PIK3R1: variants seen among roughly 807,000 people sequenced by gnomAD.
The protein encoded by PIK3R1 is phosphoinositide-3-kinase regulatory subunit 1, also known as phosphatidylinositol 3-kinase regulatory subunit alpha.
PIK3R1 carries 29 observed loss-of-function variants against 98.0 expected under a neutral mutation model. That is an observed-to-expected ratio of 0.30 (90% CI 0.22 to 0.40). The LOEUF (loss-of-function observed/expected upper bound fraction) is 0.40, where lower values mean the gene tolerates loss of function less well. Among genes scored for constraint, PIK3R1 ranks in the 10% least tolerant of loss-of-function variants. The pLI is 1.00. For synonymous variants in PIK3R1, 282 were observed against 311.8 expected, an observed-to-expected ratio of 0.90 and a Z score of 1.01; for missense variants, 596 against 872.7, an observed-to-expected ratio of 0.68 and a Z score of 3.99.
Position 68,295,195 on chromosome 5 carries a change from T to C in PIK3R1, c.1616T>C (p.Ile539Thr). The C allele has an allele frequency of 6.2e-7, 1 of 1,614,006 alleles. No homozygotes were observed. The highest frequency in any genetic ancestry group is 2.2e-5 in the East Asian group (1 of 44,866). The change falls in exon 13 of 16, where the codon ATT becomes ACT. Residue 539 changes from isoleucine (I) to threonine (T), a missense_variant. Transcript: ENST00000521381. The stretch of plus-strand genomic sequence containing the variant: ...TTGAAGTCTCGAATCAGTGAAATTA[T>C]TGACAGTAGAAGAAGATTGGAAGAA... ...DKLKSRISEI[I>T]DSRRRLEEDL...
intron 2 of PIK3R1, among the ~76,000 whole-genome samples, chr5:68,230,157 G>A (rs1344690487): frequency 1.3e-5 from 2 of 152,174 alleles, no homozygotes; most frequent in Admixed American, 6.5e-5. Flanking sequence ...TCACTTCTCT[G>A]CTCAAATCTT....
Position 68,274,141 on chromosome 5 carries a change from T to C in PIK3R1, c.502+128T>C, listed in dbSNP as rs56066233. ...CTAAATTTAAAGGGAACTCAAATCA[T>C]GTACAGTTCTCCCTGCCCTGTTATG... is the stretch of plus-strand genomic sequence containing the variant. On this transcript the variant is annotated intron_variant, in intron 4 of 15. Transcript: ENST00000521381. The C allele has an allele frequency of 0.012, 9,256 of 756,132 alleles. 92 individuals carry two copies. Among genetic ancestry groups the C allele is most frequent in the Non-Finnish European group, 0.018 (7,841 of 436,698 alleles). The allele number at this position is 756,132 out of a possible 1,614,324, so 46.8% of individuals were successfully genotyped here.
chr5:68,282,875 C>T (rs1746908095), intron 7 of PIK3R1, among the ~76,000 whole-genome samples: 1 of 152,170 alleles, frequency 6.6e-6, no homozygotes, highest in African/African-American at 2.4e-5. Flanking sequence ...TAGTTTGAGC[C>T]GTTTTCCCAG....
At chr5:68,218,128 C>A (rs550468310) in intron 1 of PIK3R1, among the ~76,000 whole-genome samples, 1 of 151,936 alleles carries the variant, frequency 6.6e-6, no homozygotes, top group African/African-American at 2.4e-5. Flanking sequence ...ATATACTAAG[C>A]GCAGGAAATC....
chr5:68,216,774 C>A (rs542301335), intron 1 of PIK3R1, among the ~76,000 whole-genome samples: 19 of 152,320 alleles, frequency 1.2e-4, no homozygotes, highest in African/African-American at 4.3e-4. Context: ...AACCACAGCT[C>A]TAACCTAAGC....
rs538842111 is a variant in PIK3R1 at position 68,301,239 on chromosome 5, G to C, written c.*3638G>C. On this transcript the variant is annotated 3_prime_UTR_variant, in exon 16 of 16. Transcript: ENST00000521381. The stretch of plus-strand genomic sequence containing the variant: ...AAAAAGCTAGTTCTATAAAATACTG[G>C]TATTATGGGTGGGGAGGAAATAGAA... 9.8e-6 allele frequency: 2 copies of C among 205,116 alleles called. No individual in the cohort carries two copies. Among genetic ancestry groups the C allele is most frequent in the South Asian group, 3.9e-4 (2 of 5,192 alleles). The allele number at this position is 205,116 out of a possible 1,614,324, so 12.7% of individuals were successfully genotyped here. A position where few individuals can be genotyped will look rare whatever the true frequency, so the allele number is the denominator to read the frequency against.
intron 11 of PIK3R1, among the ~76,000 whole-genome samples, 158 bp from the exon 12 acceptor site, chr5:68,294,378 C>T (rs553302806): frequency 6.6e-5 from 10 of 152,250 alleles, no homozygotes; most frequent in Admixed American, 1.3e-4. Context: ...AGAAAATTCT[C>T]CAGAGGAAAT....
rs547511877 is a variant in PIK3R1 at position 68,301,741 on chromosome 5, A to G, written c.*4140A>G. On this transcript the variant is annotated 3_prime_UTR_variant, in exon 16 of 16. Coordinates refer to ENST00000521381, the MANE Select transcript of PIK3R1 (RefSeq NM_181523.3). ...ACATTTCGTTCAAGTTATAGATTCA[A>G]TGGAGCTATGTCTTGTTTTAAGTTG... The G allele has an allele frequency of 1.7e-4, 28 of 169,646 alleles. No homozygotes were observed. Among genetic ancestry groups the G allele is most frequent in the Non-Finnish European group, 2.4e-4 (19 of 78,426 alleles). 10.5% of individuals were successfully genotyped at this position (169,646 alleles called of 1,614,324 possible).
At chr5:68,276,252 C>G (rs1034782063) in intron 4 of PIK3R1, among the ~76,000 whole-genome samples, 8 of 152,218 alleles carry the variant, frequency 5.3e-5, no homozygotes, top group African/African-American at 1.7e-4. Context: ...AGAGTGGGAG[C>G]TTGTCCCGTG....
intron 2 of PIK3R1, among the ~76,000 whole-genome samples, chr5:68,237,831 A>G (rs1405089094): frequency 6.6e-6 from 1 of 152,184 alleles, no homozygotes; most frequent in Non-Finnish European, 1.5e-5. Flanking sequence ...TTGACTACCT[A>G]AAAGTAGCAG....
At chr5:68,281,251 C>T (rs192124927) in intron 7 of PIK3R1, among the ~76,000 whole-genome samples, 5 of 152,250 alleles carry the variant, frequency 3.3e-5, no homozygotes, top group Non-Finnish European at 5.9e-5. Context: ...GGAGAGTTCC[C>T]TGTACCCTTC....
intron 2 of PIK3R1, among the ~76,000 whole-genome samples, chr5:68,227,882 A>G (rs1387356037): frequency 6.6e-6 from 1 of 152,166 alleles, no homozygotes; most frequent in Non-Finnish European, 1.5e-5. Flanking sequence ...TTCAAAAACC[A>G]CTTATTGCTT....
intron 2 of PIK3R1, among the ~76,000 whole-genome samples, chr5:68,254,409 A>G (rs182121952): frequency 1.5e-3 from 234 of 152,334 alleles, no homozygotes; most frequent in African/African-American, 5.3e-3. Flanking sequence ...TCTTCCAACA[A>G]ATAAAAAATA....
chr5:68,268,105 T>A (rs1009003226), intron 2 of PIK3R1, among the ~76,000 whole-genome samples: 4 of 152,178 alleles, frequency 2.6e-5, no homozygotes, highest in African/African-American at 9.7e-5. Flanking sequence ...TATTATTTAA[T>A]CCTTATTACT....
At chr5:68,257,023 A>T (rs1048877005) in intron 2 of PIK3R1, among the ~76,000 whole-genome samples, 2 of 152,156 alleles carry the variant, frequency 1.3e-5, no homozygotes, top group African/African-American at 2.4e-5. Flanking sequence ...CATCACTGTG[A>T]TATGTGCCAC....
At position 68,295,234 on chromosome 5, in the gene PIK3R1, A is replaced by G. The variant is rs1370583280; in HGVS notation, c.1655A>G (p.Gln552Arg). The change falls in exon 13 of 16, where the codon CAG becomes CGG. Residue 552 changes from glutamine to arginine, a missense_variant. Gln to Arg is a conservative substitution (Grantham distance 43). Transcript: ENST00000521381. ...RRRLEEDLKK[Q>R]AAEYREIDKR... ...AGATTGGAAGAAGACTTGAAGAAGC[A>G]GGCAGCTGAGTATCGAGAAATTGAC... The G allele has an allele frequency of 1.9e-6, 3 of 1,613,962 alleles. No homozygotes were observed. Among genetic ancestry groups the G allele is most frequent in the Non-Finnish European group, 2.5e-6 (3 of 1,179,924 alleles).
At chr5:68,256,235 A>G (rs1213088357) in intron 2 of PIK3R1, among the ~76,000 whole-genome samples, 1 of 152,118 alleles carries the variant, frequency 6.6e-6, no homozygotes, top group Non-Finnish European at 1.5e-5. Context: ...TTTTTTATTT[A>G]TTTATTTTTG....
rs1391918822 is a variant in PIK3R1, at chr5:68,298,375, TTTGTTTTGCTGAAGGCTAAA to T, written c.*777_*796del. The T allele has an allele frequency of 4.3e-6, 1 of 233,212 alleles. No homozygotes were observed. The highest frequency in any genetic ancestry group is 8.5e-6 in the Non-Finnish European group (1 of 117,876). 14.4% of individuals were successfully genotyped at this position (233,212 alleles called of 1,614,324 possible). On this transcript the variant is annotated 3_prime_UTR_variant, in exon 16 of 16. Coordinates refer to ENST00000521381, the MANE Select transcript of PIK3R1 (RefSeq NM_181523.3). ...TGTATCAATACCAAATAGCTTCTGT[TTTGTTTTGCTGAAGGCTAAA>T]TTCACAGCGCTATGCAATTCTTAAT...
chr5:68,240,999 T>A lies in PIK3R1; in HGVS notation c.334+13990T>A, dbSNP rs1054315404. Among the ~76,000 whole-genome samples the A allele has an allele frequency of 2.0e-5, 3 of 152,348 alleles. No homozygotes were observed. In the South Asian group the frequency reaches 6.2e-4, roughly 32 times the overall value. Reference sequence around the variant, plus strand: ...GATTCAGTGGACTCCTAAGGGACCATCTTTCACCAGCACCAAATGCTGTTT... The same window carrying A: ...GATTCAGTGGACTCCTAAGGGACCAACTTTCACCAGCACCAAATGCTGTTT... On this transcript the variant is annotated intron_variant, in intron 2 of 15. Transcript: ENST00000521381.
Sources: gnomAD v4.1 joint callset for allele counts (sites outside exome capture counted in the v4.1 genomes callset) on GRCh38, gnomAD v4.1.1 for gene constraint, MANE v1.5 for transcripts, NCBI Gene and HGNC (gene_info 2026-07-23, HGNC 2026-07-21) for gene names.